The following TUBB8 variants were observed in gnomAD, a reference collection of about 807,000 sequenced individuals.
The protein encoded by TUBB8 is tubulin beta 8 class VIII, also known as tubulin beta-8 chain.
TUBB8 carries 25 observed loss-of-function variants against 33.7 expected under a neutral mutation model. The observed-to-expected ratio is 0.74, with a 90% CI of 0.54 to 1.04. TUBB8 has a LOEUF of 1.04. Ranked by LOEUF, TUBB8 falls within the 50% of genes least tolerant of loss-of-function variation. The pLI is 0.00. For synonymous variants in TUBB8, 245 were observed against 240.1 expected (o/e 1.02, Z -0.19); for missense variants, 279 against 608.0 (o/e 0.46, Z 5.69).
In TUBB8 at chr10:47,129, T is replaced by C; in HGVS notation, c.1263A>G (p.Glu421=). 2 of 1,547,436 alleles carry C rather than the reference T, an allele frequency of 1.3e-6. No homozygotes were observed. The highest frequency in any genetic ancestry group is 1.8e-6 in the Non-Finnish European group (2 of 1,123,478). ...AESNMNDLVS[E]YQQYQDATAE... Reference sequence around the variant, plus strand: ...CCGTGGCATCCTGATATTGCTGATATTCAGACACCAGGTCGTTCATGTTGC... The same window carrying C: ...CCGTGGCATCCTGATATTGCTGATACTCAGACACCAGGTCGTTCATGTTGC... Residue 421 remains glutamate (E), a synonymous_variant, in exon 4 of 4, where the codon GAA becomes GAG. Coordinates refer to ENST00000568584, the MANE Select transcript of TUBB8 (RefSeq NM_177987.3).
At chr10:62,256 G>T (rs1372018323) in intron 1 of TUBB8, among the ~76,000 whole-genome samples, 7 of 152,108 alleles carry the variant, frequency 4.6e-5, no homozygotes, top group Admixed American at 4.6e-4. Context: ...TTGTACATCT[G>T]TGGTATGCTT....
chr10:51,689 G>A (rs1439505499), upstream of TUBB8, among the ~76,000 whole-genome samples: 4 of 151,674 alleles, frequency 2.6e-5, no homozygotes, highest in Non-Finnish European at 4.4e-5. Flanking sequence ...GTGTCTGGAG[G>A]GTCGGTCTAG....
intron 1 of TUBB8, among the ~76,000 whole-genome samples, chr10:69,824 G>A (rs544753218): frequency 2.0e-5 from 3 of 152,346 alleles, no homozygotes; most frequent in African/African-American, 7.2e-5. Context: ...TCGAGCCCGG[G>A]AGGATGCAGT....
At chr10:64,100 G>C (rs782108874) in intron 1 of TUBB8, among the ~76,000 whole-genome samples, 2 of 135,840 alleles carry the variant, frequency 1.5e-5, no homozygotes, top group Non-Finnish European at 3.2e-5. Context: ...GAAACCAGCA[G>C]AGTCTCTCTT....
chr10:61,756 C>T (rs1391345240), intron 1 of TUBB8, among the ~76,000 whole-genome samples: 7 of 152,304 alleles, frequency 4.6e-5, no homozygotes, highest in African/African-American at 1.7e-4. Context: ...ATAGTATTTG[C>T]TTCATTTATC....
At chr10:49,795 G>C, upstream of TUBB8, 2 of 350,646 alleles carry the variant, frequency 5.7e-6, no homozygotes, top group South Asian at 2.2e-5. Flanking sequence ...GATTTAGCTG[G>C]AGTCTTCTTT....
chr10:72,493 G>A (rs1294002117), intron 1 of TUBB8, among the ~76,000 whole-genome samples: 2 of 152,232 alleles, frequency 1.3e-5, no homozygotes, highest in Admixed American at 6.5e-5. Flanking sequence ...AGGAGGTGGA[G>A]GTTGCAGTGA....
At chr10:70,276 GTTTT>G (rs58442452) in intron 1 of TUBB8, among the ~76,000 whole-genome samples, 113,231 of 151,402 alleles carry the variant, frequency 0.75, 42,841 homozygotes, top group Middle Eastern at 0.81. Context: ...TTTTGTTTTT[GTTTT>G]TTTATTTTTT....
intron 1 of TUBB8, among the ~76,000 whole-genome samples, chr10:55,221 T>G (rs551686534): frequency 6.6e-6 from 1 of 152,280 alleles, no homozygotes; most frequent in Non-Finnish European, 1.5e-5. Context: ...GAGCCCCTTA[T>G]AAAAACATCA....
chr10:46,761 C>A (rs1157672745), downstream of TUBB8: 1 of 413,036 alleles, frequency 2.4e-6, no homozygotes, highest in Non-Finnish European at 4.5e-6. Context: ...ACCGACCCCT[C>A]CTGGAGCCAC....
intron 1 of TUBB8, among the ~76,000 whole-genome samples, chr10:57,743 G>T (rs200461016): frequency 4.0e-5 from 6 of 151,616 alleles, no homozygotes; most frequent in Non-Finnish European, 5.9e-5. Flanking sequence ...GTCTGTGATG[G>T]GGGGCTGCCT....
chr10:68,092 G>A (rs1364578814), intron 1 of TUBB8, among the ~76,000 whole-genome samples: 1 of 140,682 alleles, frequency 7.1e-6, no homozygotes, highest in African/African-American at 2.7e-5. Context: ...AATACACAGA[G>A]AGCTGTTAAA....
intron 3 of TUBB8, chr10:48,316 A>C: frequency 1.5e-6 from 1 of 661,906 alleles, no homozygotes; most frequent in Admixed American, 2.4e-5. Context: ...CAAACCTGAG[A>C]CGGGTTCACA....
chr10:48,353 A>AT (rs1834398674), intron 3 of TUBB8: 1 of 629,272 alleles, frequency 1.6e-6, no homozygotes, highest in Non-Finnish European at 2.8e-6. Context: ...GCTCCTGCCC[A>AT]TTCTCAGGAA....
chr10:52,024 G>C (rs28440470), upstream of TUBB8, among the ~76,000 whole-genome samples: 1 of 152,174 alleles, frequency 6.6e-6, no homozygotes, highest in Admixed American at 6.5e-5. Flanking sequence ...AGAGCACAAG[G>C]TGGACAGTCC....
upstream of TUBB8, among the ~76,000 whole-genome samples, chr10:75,954 C>T (rs1216496889): frequency 6.6e-6 from 1 of 152,018 alleles, no homozygotes; most frequent in African/African-American, 2.4e-5. Context: ...GCCTGGCCAA[C>T]ATAGTGAAAC....
chr10:54,910 A>G (rs1465339120), intron 1 of TUBB8, among the ~76,000 whole-genome samples: 1 of 152,122 alleles, frequency 6.6e-6, no homozygotes, highest in Non-Finnish European at 1.5e-5. Flanking sequence ...GGCACCTGAC[A>G]TGATGCCCAG....
intron 1 of TUBB8, among the ~76,000 whole-genome samples, chr10:66,790 A>G (rs1250020431): frequency 2.0e-5 from 3 of 152,200 alleles, no homozygotes; most frequent in East Asian, 3.9e-4. Flanking sequence ...TGGGCAGGAC[A>G]GCAAGACCCT....
chr10:65,915 C>T (rs1554741553), intron 1 of TUBB8, among the ~76,000 whole-genome samples: 1 of 152,220 alleles, frequency 6.6e-6, no homozygotes, highest in Admixed American at 6.5e-5. Flanking sequence ...AACCCACATG[C>T]TAATTTCAAT....
Sources: gnomAD v4.1 joint callset for allele counts (sites outside exome capture counted in the v4.1 genomes callset) on GRCh38, gnomAD v4.1.1 for gene constraint, MANE v1.5 for transcripts, NCBI Gene and HGNC (gene_info 2026-07-23, HGNC 2026-07-21) for gene names.